KDM7A: variants seen among roughly 807,000 people sequenced by gnomAD.
KDM7A encodes the protein lysine-specific demethylase 7A.
A neutral mutation model predicts 114.8 loss-of-function variants in KDM7A; 28 were observed. The ratio of observed to expected loss-of-function variants is 0.24; its 90% CI spans 0.18 to 0.33. KDM7A has a LOEUF of 0.33. KDM7A is among the 10% of genes least tolerant of loss of function. The probability of loss-of-function intolerance (pLI) is 1.00; values close to 1 mark genes in which losing one functional copy is unlikely to be tolerated. For missense variants in KDM7A, 942 were observed against 1,142.5 expected (o/e 0.82, Z 2.53); for synonymous variants, 423 against 397.8 (o/e 1.06, Z -0.75).
chr7:140,135,439 G>A (rs1357841506), intron 2 of KDM7A, among the ~76,000 whole-genome samples: 1 of 152,094 alleles, frequency 6.6e-6, no homozygotes, highest in African/African-American at 2.4e-5. Context: ...CTGACCTTGT[G>A]ATCCGCCCAC....
At chr7:140,101,341 T>TCCA (rs938772555) in intron 12 of KDM7A, among the ~76,000 whole-genome samples, 1 of 152,164 alleles carries the variant, frequency 6.6e-6, no homozygotes, top group African/African-American at 2.4e-5. Flanking sequence ...CTAACAGTCC[T>TCCA]CCAGGCTGAC....
intron 2 of KDM7A, among the ~76,000 whole-genome samples, chr7:140,135,265 A>G (rs1585155955): frequency 6.9e-6 from 1 of 145,744 alleles, no homozygotes; most frequent in Non-Finnish European, 1.5e-5. Context: ...GTGCAGTGGC[A>G]TGATCTCGGC....
At chr7:140,154,385 T>A (rs1794435187) in intron 1 of KDM7A, among the ~76,000 whole-genome samples, 1 of 150,372 alleles carries the variant, frequency 6.7e-6, no homozygotes, top group South Asian at 2.1e-4. Context: ...CCCCAGCTAC[T>A]CAGGACGCTA....
intron 17 of KDM7A, among the ~76,000 whole-genome samples, chr7:140,095,911 A>G (rs749137710): frequency 2.0e-5 from 3 of 152,100 alleles, no homozygotes; most frequent in Non-Finnish European, 4.4e-5. Context: ...AAAAAAAATT[A>G]TTTCAGTGAA....
intron 2 of KDM7A, among the ~76,000 whole-genome samples, chr7:140,135,398 T>TCA (rs1439854781): frequency 6.6e-6 from 1 of 152,120 alleles, no homozygotes; most frequent in Non-Finnish European, 1.5e-5. Flanking sequence ...AGATGGGGTT[T>TCA]CACCATGTTG....
intron 11 of KDM7A, among the ~76,000 whole-genome samples, chr7:140,104,400 G>T (rs184906939): frequency 1.4e-4 from 22 of 152,246 alleles, no homozygotes; most frequent in Middle Eastern, 6.8e-3. Context: ...GTCCTGAATG[G>T]TACTGCCTAG....
chr7:140,151,274 A>G (rs1794397486), intron 1 of KDM7A, among the ~76,000 whole-genome samples: 1 of 152,202 alleles, frequency 6.6e-6, no homozygotes, highest in African/African-American at 2.4e-5. Flanking sequence ...GTGACTTTCT[A>G]TGAAAGCTTC....
At position 140,120,479 on chromosome 7, in the gene KDM7A, TC is replaced by T. The variant is rs775105326; in HGVS notation, c.1101del (p.Asn368ThrfsTer21). The stretch of plus-strand genomic sequence containing the variant: ...CCAATGTTAAGGTTGTGCAGGAAGT[TC>T]CCCCCAAAAGCCATACAGTCCTGAG... ...LTSQDCMAFG[G>X]NFLHNLNIGM... On this transcript the variant is annotated frameshift_variant, in exon 8 of 20. Transcript: ENST00000397560. The T allele has an allele frequency of 6.2e-7, 1 of 1,613,032 alleles. No homozygotes were observed. Among genetic ancestry groups the T allele is most frequent in the Non-Finnish European group, 8.5e-7 (1 of 1,179,278 alleles).
intron 1 of KDM7A, among the ~76,000 whole-genome samples, chr7:140,172,135 T>C (rs761778818): frequency 6.6e-6 from 1 of 152,172 alleles, no homozygotes; most frequent in Non-Finnish European, 1.5e-5. Context: ...ATAACCTTTC[T>C]GGAGGACAGT....
chr7:140,110,766 T>C (rs549216025), intron 11 of KDM7A, among the ~76,000 whole-genome samples: 1 of 152,230 alleles, frequency 6.6e-6, no homozygotes, highest in Non-Finnish European at 1.5e-5. Flanking sequence ...TTGTTCTAAT[T>C]ACATAAACAT....
intron 8 of KDM7A, 89 bp from the exon 9 acceptor site, chr7:140,119,308 C>A: frequency 1.5e-6 from 1 of 670,942 alleles, no homozygotes; most frequent in South Asian, 2.1e-5. Context: ...ATAACCAGGT[C>A]ATGATATGTA....
At chr7:140,160,992 G>A (rs1206702278) in intron 1 of KDM7A, among the ~76,000 whole-genome samples, 1 of 152,106 alleles carries the variant, frequency 6.6e-6, no homozygotes, top group Non-Finnish European at 1.5e-5. Flanking sequence ...GCACAAAAAA[G>A]AAACTGACTC....
chr7:140,092,682 A>G (rs777811662), intron 18 of KDM7A, among the ~76,000 whole-genome samples: 1 of 152,228 alleles, frequency 6.6e-6, no homozygotes, highest in Non-Finnish European at 1.5e-5. Context: ...AGAGAAAGGA[A>G]CAGACTAGAT....
chr7:140,096,712 C>G lies in KDM7A; in HGVS notation c.2217G>C (p.Leu739=), dbSNP rs765601569. 1.4e-5 allele frequency: 22 copies of G among 1,614,064 alleles called. No homozygotes were observed. The African/African-American group carries it at 2.9e-4, about 22-fold the overall frequency. Residue 739 remains leucine (L), a synonymous_variant, in exon 17 of 20, where the codon CTG becomes CTC. Transcript: ENST00000397560. ...STEEEAIQGM[L]SMAGLHYSTC... Reference sequence around the variant, plus strand: ...TGGAATAGTGCAACCCTGCCATAGACAGCATGCCCTGAATAGCTTCTTCCT... The same window carrying G: ...TGGAATAGTGCAACCCTGCCATAGAGAGCATGCCCTGAATAGCTTCTTCCT...
rs1407121110 is a variant in KDM7A at position 140,176,956 on chromosome 7, C to A, written c.-19G>T. ...CGGCCATCTTTAAAAAACACACACA[C>A]GCTCGCTCGCTACTCCGCTCGCCGA... On this transcript the variant is annotated 5_prime_UTR_variant, in exon 1 of 20. Coordinates refer to ENST00000397560, the MANE Select transcript of KDM7A (RefSeq NM_030647.2). This position sits in a 1 kb window ranked among gnomAD's most constrained non-coding sequence, Gnocchi z 4.4. 1.8e-6 allele frequency: 2 copies of A among 1,122,078 alleles called. No individual in the cohort carries two copies. Among genetic ancestry groups the A allele is most frequent in the South Asian group, 4.2e-5 (1 of 23,790 alleles). The allele number at this position is 1,122,078 out of a possible 1,614,324, so 69.5% of individuals were successfully genotyped here. A position where few individuals can be genotyped will look rare whatever the true frequency, so the allele number is the denominator to read the frequency against.
chr7:140,113,070 T>C (rs1424336192), intron 10 of KDM7A, among the ~76,000 whole-genome samples: 1 of 152,224 alleles, frequency 6.6e-6, no homozygotes, highest in African/African-American at 2.4e-5. Context: ...CTTAACTCTT[T>C]GAACCTTGGC....
Position 140,099,352 on chromosome 7 carries a change from C to A in KDM7A, c.1764-319G>T, listed in dbSNP as rs1319255681. Among the ~76,000 whole-genome samples, 21 of 152,184 alleles carry A rather than the reference C, an allele frequency of 1.4e-4. No homozygotes were observed. In the East Asian group the frequency reaches 3.9e-3, roughly 28 times the overall value. On this transcript the variant is annotated intron_variant, in intron 13 of 19. Coordinates refer to ENST00000397560, the MANE Select transcript of KDM7A (RefSeq NM_030647.2). Reference sequence around the variant, plus strand: ...CAGGACTACAGGCATGGCCACCACACCCAGCTAATTTATTTTTATTTTTTT... The same window carrying A: ...CAGGACTACAGGCATGGCCACCACAACCAGCTAATTTATTTTTATTTTTTT...
chr7:140,169,192 C>T (rs1439819351), intron 1 of KDM7A, among the ~76,000 whole-genome samples: 1 of 152,042 alleles, frequency 6.6e-6, no homozygotes, highest in Non-Finnish European at 1.5e-5. Flanking sequence ...GGAAAAATAA[C>T]CTTTTCATTA....
At position 140,127,107 on chromosome 7, in the gene KDM7A, T is replaced by G. The variant is rs947015874; in HGVS notation, c.702-284A>C. ...CTCTGAGTAGCTGGGATTACAGGCA[T>G]GTGCCACCATGCCCAGCTGATTTTT... On this transcript the variant is annotated intron_variant, in intron 5 of 19. Transcript: ENST00000397560. 2.6e-5 allele frequency among the ~76,000 whole-genome samples: 4 copies of G among 152,254 alleles called. No homozygotes were observed. The East Asian group carries it at 7.8e-4, about 30-fold the overall frequency.
Sources: gnomAD v4.1 joint callset for allele counts (sites outside exome capture counted in the v4.1 genomes callset) on GRCh38, gnomAD v4.1.1 for gene constraint, Gnocchi (gnomAD v3.1) non-coding constraint, MANE v1.5 for transcripts, NCBI Gene and HGNC (gene_info 2026-07-23, HGNC 2026-07-21) for gene names.